Variants in NDUFC1 observed in about 807,000 individuals in gnomAD.
NDUFC1 encodes the protein NADH dehydrogenase [ubiquinone] 1 subunit C1, mitochondrial.
A neutral mutation model predicts 11.6 loss-of-function variants in NDUFC1; 11 were observed. The ratio of observed to expected loss-of-function variants is 0.95; its 90% CI spans 0.60 to 1.58. NDUFC1 has a LOEUF of 1.58. NDUFC1 is among the 40% of genes most tolerant of loss of function. The pLI is 0.00. For synonymous variants in NDUFC1, 52 were observed against 42.2 expected (o/e 1.23, Z -0.90); for missense variants, 112 against 93.0 (o/e 1.20, Z -0.84).
At chr4:139,292,132 T>C (rs780280529) in intron 5 of NDUFC1, among the ~76,000 whole-genome samples, 1 of 152,152 alleles carries the variant, frequency 6.6e-6, no homozygotes, top group Non-Finnish European at 1.5e-5. Context: ...CCACCGCGCC[T>C]GGCAGATTTT....
chr4:139,292,783 T>C (rs1293743262), intron 4 of NDUFC1, among the ~76,000 whole-genome samples, 174 bp from the exon 5 acceptor site: 1 of 151,698 alleles, frequency 6.6e-6, no homozygotes, highest in East Asian at 1.9e-4. Flanking sequence ...CAATGTGACA[T>C]CCTAAATTTG....
intron 5 of NDUFC1, among the ~76,000 whole-genome samples, chr4:139,291,518 T>G (rs936949765): frequency 6.6e-6 from 1 of 151,950 alleles, no homozygotes; most frequent in African/African-American, 2.4e-5. Flanking sequence ...GAGGTTGCAG[T>G]GAGCCAAGAT....
chr4:139,300,184 G>A (rs1285495811), intron 1 of NDUFC1, among the ~76,000 whole-genome samples: 3 of 152,140 alleles, frequency 2.0e-5, no homozygotes, highest in Non-Finnish European at 2.9e-5. Flanking sequence ...ATAGTTTCCT[G>A]TATATATGAT....
In NDUFC1 at chr4:139,296,500, G is replaced by A. The variant is rs370452096; in HGVS notation, c.-162-540C>T. 1.1e-4 allele frequency: 17 copies of A among 152,288 alleles called. No homozygotes were observed. The East Asian group carries it at 2.1e-3, about 19-fold the overall frequency. The allele number at this position is 152,288 out of a possible 1,614,324, so 9.4% of individuals were successfully genotyped here. On this transcript the variant is annotated intron_variant, in intron 2 of 5. Transcript: ENST00000394223. ...CACCTAACAGACTTGGACCACCCTA[G>A]ACCATAAGCTGTAGAATCAGCGTTC...
rs1368302828 is a variant in NDUFC1, at chr4:139,295,896, G to T, written c.-98C>A. Reference sequence around the variant, plus strand: ...CTCGAGGGCTCTGCAGCAGAGCTCCGTGGGGGCGTCAACGTGAATTCCAGC... The same window carrying T: ...CTCGAGGGCTCTGCAGCAGAGCTCCTTGGGGGCGTCAACGTGAATTCCAGC... On this transcript the variant is annotated 5_prime_UTR_variant, in exon 3 of 6. Transcript: ENST00000394223. The T allele has an allele frequency of 8.0e-7, 1 of 1,250,946 alleles. No individual in the cohort carries two copies. Among genetic ancestry groups the T allele is most frequent in the Non-Finnish European group, 1.1e-6 (1 of 907,056 alleles). 77.5% of individuals were successfully genotyped at this position (1,250,946 alleles called of 1,614,324 possible).
intron 4 of NDUFC1, among the ~76,000 whole-genome samples, chr4:139,292,905 CCTT>C (rs1419371149): frequency 6.6e-6 from 1 of 151,956 alleles, no homozygotes; most frequent in Non-Finnish European, 1.5e-5. Context: ...ACTGCAACCT[CCTT>C]CTTCTGGGTT....
At chr4:139,298,211 G>A (rs1433670492) in intron 1 of NDUFC1, among the ~76,000 whole-genome samples, 1 of 152,030 alleles carries the variant, frequency 6.6e-6, no homozygotes, top group Admixed American at 6.5e-5. Flanking sequence ...AGGCCGAGGC[G>A]GGCGGATCAC....
rs1387423989 is a variant in NDUFC1 at position 139,295,924 on chromosome 4, G to A, written c.-126C>T. 3.2e-6 allele frequency: 3 copies of A among 933,634 alleles called. No homozygotes were observed. Among genetic ancestry groups the A allele is most frequent in the Non-Finnish European group, 1.6e-6 (1 of 624,700 alleles). 57.8% of individuals were successfully genotyped at this position (933,634 alleles called of 1,614,324 possible). The stretch of plus-strand genomic sequence containing the variant: ...GGGGCGTCAACGTGAATTCCAGCAC[G>A]GCAAGGTTCTCTAGCACCCCGGCCT... On this transcript the variant is annotated 5_prime_UTR_variant, in exon 3 of 6. Transcript: ENST00000394223.
chr4:139,301,674 G>C (rs1745750362), intron 1 of NDUFC1: 7 of 1,337,672 alleles, frequency 5.2e-6, no homozygotes, highest in Admixed American at 4.5e-5. Context: ...GCGGCGGATC[G>C]AGATATTCAA....
At chr4:139,290,306 C>T in intron 5 of NDUFC1, among the ~76,000 whole-genome samples, 1 of 145,152 alleles carries the variant, frequency 6.9e-6, no homozygotes, top group Non-Finnish European at 1.5e-5. Flanking sequence ...ATGCCTATTT[C>T]ATTTTTACCT....
intron 1 of NDUFC1, among the ~76,000 whole-genome samples, chr4:139,298,079 C>G (rs552384894): frequency 6.9e-6 from 1 of 144,486 alleles, no homozygotes; most frequent in Non-Finnish European, 1.6e-5. Context: ...AAAAACAAAA[C>G]AAAAGAAAAA....
intron 4 of NDUFC1, among the ~76,000 whole-genome samples, chr4:139,293,945 T>A (rs2110765065): frequency 7.1e-6 from 1 of 140,596 alleles, no homozygotes; most frequent in East Asian, 2.1e-4. Flanking sequence ...TTTTTTTTTT[T>A]TTTTTTTTTT....
chr4:139,295,419 G>A (rs1745419946), intron 3 of NDUFC1, among the ~76,000 whole-genome samples: 1 of 152,192 alleles, frequency 6.6e-6, no homozygotes, highest in Non-Finnish European at 1.5e-5. Flanking sequence ...CATGTAAGGG[G>A]CGCCCCGGGG....
intron 1 of NDUFC1, among the ~76,000 whole-genome samples, chr4:139,299,979 G>A (rs1745641425): frequency 6.6e-6 from 1 of 152,120 alleles, no homozygotes; most frequent in Non-Finnish European, 1.5e-5. Flanking sequence ...CCAGAGATTT[G>A]GAAATCCAAG....
At position 139,295,766 on chromosome 4, in the gene NDUFC1, G is replaced by A; in HGVS notation, c.33C>T (p.Ser11=). Reference sequence around the variant, plus strand: ...GGAGCCTGGCGGGGGCCAGCAGCCGGGAAAGGGGACGCAGCAAGGCGGACG... The same window carrying A: ...GGAGCCTGGCGGGGGCCAGCAGCCGAGAAAGGGGACGCAGCAAGGCGGACG... MAPSALLRPL[S]RLLAPARLPS... is the part of the protein sequence containing the mutation. The change falls in exon 3 of 6, where the codon TCC becomes TCT. Residue 11 remains serine (S), a synonymous_variant. Transcript: ENST00000394223. 1.3e-6 allele frequency: 2 copies of A among 1,552,810 alleles called. No homozygotes were observed. Among genetic ancestry groups the A allele is most frequent in the South Asian group, 1.2e-5 (1 of 84,402 alleles).
rs969638491 is a variant in NDUFC1, at chr4:139,295,875, A to G, written c.-77T>C. On this transcript the variant is annotated 5_prime_UTR_variant, in exon 3 of 6. Coordinates refer to ENST00000394223, the MANE Select transcript of NDUFC1 (RefSeq NM_001184989.2). Reference sequence around the variant, plus strand: ...CTGGCGGCCGGAAGTGCGGGACTCGAGGGCTCTGCAGCAGAGCTCCGTGGG... The same window carrying G: ...CTGGCGGCCGGAAGTGCGGGACTCGGGGGCTCTGCAGCAGAGCTCCGTGGG... 1.5e-5 allele frequency: 22 copies of G among 1,454,420 alleles called. No homozygotes were observed. In the African/African-American group the frequency reaches 2.7e-4, roughly 18 times the overall value. The allele number at this position is 1,454,420 out of a possible 1,614,324, so 90.1% of individuals were successfully genotyped here.
rs73856013 is a variant in NDUFC1, at chr4:139,290,444, C to T, written c.*21-352G>A. 3.9e-3 allele frequency among the ~76,000 whole-genome samples: 584 copies of T among 151,102 alleles called. 4 individuals carry two copies. Among genetic ancestry groups the T allele is most frequent in the African/African-American group, 0.013 (540 of 41,196 alleles). The stretch of plus-strand genomic sequence containing the variant: ...ACAGGCATGAGCCACCAAGCCCAGA[C>T]TCATTTTATCTCTTGATTGGCTGAT... On this transcript the variant is annotated intron_variant, in intron 5 of 5. Transcript: ENST00000394223.
intron 1 of NDUFC1, chr4:139,301,879 C>G (rs746469000): frequency 1.3e-6 from 2 of 1,548,334 alleles, no homozygotes; most frequent in Non-Finnish European, 1.8e-6. Context: ...TAGCCGGTAA[C>G]CGGGCCTGTC....
chr4:139,297,872 T>C (rs1745532555), intron 1 of NDUFC1, among the ~76,000 whole-genome samples: 1 of 152,188 alleles, frequency 6.6e-6, no homozygotes, highest in African/African-American at 2.4e-5. Flanking sequence ...AAGACTGGCC[T>C]GTGCAACATA....
Sources: gnomAD v4.1 joint callset for allele counts (sites outside exome capture counted in the v4.1 genomes callset) on GRCh38, gnomAD v4.1.1 for gene constraint, MANE v1.5 for transcripts, NCBI Gene and HGNC (gene_info 2026-07-23, HGNC 2026-07-21) for gene names.